The following TM6SF1 variants were observed in gnomAD, a reference collection of about 807,000 sequenced individuals.
TM6SF1 encodes transmembrane 6 superfamily member 1.
Under a neutral mutation model 47.1 loss-of-function variants are expected in TM6SF1, and 43 were observed. The observed-to-expected ratio is 0.91, with a 90% CI of 0.72 to 1.18. The LOEUF is 1.18. TM6SF1 is among the 50% of genes most tolerant of loss of function. The probability of loss-of-function intolerance (pLI) is 0.00; values close to 1 mark genes in which losing one functional copy is unlikely to be tolerated. For synonymous variants in TM6SF1, 177 were observed against 166.3 expected (o/e 1.06, Z -0.49); for missense variants, 390 against 449.0 (o/e 0.87, Z 1.19).
At chr15:83,125,277 T>C (rs1055179776) in intron 7 of TM6SF1, among the ~76,000 whole-genome samples, 1 of 152,076 alleles carries the variant, frequency 6.6e-6, no homozygotes, top group Non-Finnish European at 1.5e-5. Flanking sequence ...ACGCCTGGAG[T>C]CTTTGTATTG....
At chr15:83,126,918 T>C in intron 8 of TM6SF1, 71 bp downstream of exon 8, 1 of 1,263,874 alleles carries the variant, frequency 7.9e-7, no homozygotes. Context: ...CCCAGCTGGG[T>C]GCGGTGGCTC....
At position 83,107,812 on chromosome 15, in the gene TM6SF1, G is replaced by A. The variant is rs1198105963; in HGVS notation, c.92+40G>A. 5 of 1,549,784 alleles carry A rather than the reference G, an allele frequency of 3.2e-6. No individual in the cohort carries two copies. Among genetic ancestry groups the A allele is most frequent in the African/African-American group, 2.8e-5 (2 of 70,358 alleles). On this transcript the variant is annotated intron_variant, in intron 1 of 9. Transcript: ENST00000322019. The surrounding 1 kb of genome is among the most constrained non-coding windows in gnomAD (Gnocchi z 5.6). ...GCGGCGGGGGTCGCGCCGAGGGGCGGCGGGAGTTGGCTCGCCGCGACGGGA... is the reference window on the plus strand; with the variant it reads ...GCGGCGGGGGTCGCGCCGAGGGGCGACGGGAGTTGGCTCGCCGCGACGGGA...
At chr15:83,129,654 A>C (rs1829073332) in intron 9 of TM6SF1, 1 of 152,236 alleles carries the variant, frequency 6.6e-6, no homozygotes. Flanking sequence ...CCATGCAAAC[A>C]ATGAACTATG....
chr15:83,124,991 T>G (rs1233064303), intron 7 of TM6SF1, among the ~76,000 whole-genome samples: 1 of 152,202 alleles, frequency 6.6e-6, no homozygotes, highest in Non-Finnish European at 1.5e-5. Context: ...GATCAAGCTC[T>G]ACTCAGAAGC....
chr15:83,112,820 C>G lies in TM6SF1; in HGVS notation c.116C>G (p.Ala39Gly). ...QHDSWTIVGV[A>G]ALILFLVALL... ...AGTTCCTGGACTATTGTAGGGGTTG[C>G]TGCCCTCATCCTGTTCCTGGTAGCA... is the stretch of plus-strand genomic sequence containing the variant. Residue 39 changes from alanine to glycine, a missense_variant, in exon 2 of 10, where the codon GCT becomes GGT. Coordinates refer to ENST00000322019, the MANE Select transcript of TM6SF1 (RefSeq NM_023003.5). 6.2e-7 allele frequency: 1 copy of G among 1,614,110 alleles called. No individual in the cohort carries two copies. The highest frequency in any genetic ancestry group is 8.5e-7 in the Non-Finnish European group (1 of 1,179,950).
chr15:83,127,219 G>GTTT, intron 8 of TM6SF1, 139 bp from the exon 9 acceptor site: 1 of 733,712 alleles, frequency 1.4e-6, no homozygotes, highest in Non-Finnish European at 1.9e-6. Context: ...AAAAATAAAA[G>GTTT]TAAAAAAAAA....
At chr15:83,111,735 C>T (rs1195732780) in intron 1 of TM6SF1, 1 of 959,098 alleles carries the variant, frequency 1.0e-6, no homozygotes, top group Non-Finnish European at 1.2e-6. Flanking sequence ...AATTGGAAGC[C>T]CTGTCAGTGC....
chr15:83,121,062 A>G (rs2035194285), intron 4 of TM6SF1, among the ~76,000 whole-genome samples: 1 of 151,746 alleles, frequency 6.6e-6, no homozygotes, highest in Non-Finnish European at 1.5e-5. Flanking sequence ...GGGGTTATCA[A>G]TTGAAGGAAC....
intron 6 of TM6SF1, 92 bp from the exon 7 acceptor site, chr15:83,124,580 C>A (rs978868716): frequency 1.0e-5 from 10 of 974,138 alleles, no homozygotes; most frequent in Non-Finnish European, 1.6e-5. Flanking sequence ...CTTCAAAATT[C>A]TCTTATCCAT....
chr15:83,111,491 TCATC>T (rs1317803919), intron 1 of TM6SF1: 3 of 308,738 alleles, frequency 9.7e-6, no homozygotes, highest in East Asian at 1.7e-4. Flanking sequence ...CATTCACCCA[TCATC>T]CATCCATCTA....
At chr15:83,109,338 G>C (rs112634306) in intron 1 of TM6SF1, among the ~76,000 whole-genome samples, 158 of 152,294 alleles carry the variant, frequency 1.0e-3, no homozygotes, top group African/African-American at 3.7e-3. Context: ...GCTTACTGAA[G>C]AGGGTTGCAT....
chr15:83,108,250 C>T (rs1170187483), intron 1 of TM6SF1, among the ~76,000 whole-genome samples: 4 of 152,096 alleles, frequency 2.6e-5, no homozygotes, highest in Non-Finnish European at 4.4e-5. Context: ...AGAAATAGCC[C>T]GGAACCAACA....
chr15:83,127,292 G>A lies in TM6SF1; in HGVS notation c.802-66G>A, dbSNP rs1471207032. The A allele has an allele frequency of 2.1e-6, 3 of 1,453,476 alleles. No homozygotes were observed. In the African/African-American group the frequency reaches 4.4e-5, roughly 21 times the overall value. The allele number at this position is 1,453,476 out of a possible 1,614,324, so 90.0% of individuals were successfully genotyped here. On this transcript the variant is annotated intron_variant, in intron 8 of 9. Transcript: ENST00000322019. The stretch of plus-strand genomic sequence containing the variant: ...CAAAGATGAAAATGTTTACTTTTTT[G>A]TACTTTTTAGTCAGGCCAAGTTAAC...
rs62010204 is a variant in TM6SF1, at chr15:83,108,314, C to T, written c.92+542C>T. 2.3e-3 allele frequency among the ~76,000 whole-genome samples: 354 copies of T among 152,026 alleles called. 1 individual carries two copies. The highest frequency in any genetic ancestry group is 4.1e-3 in the Non-Finnish European group (278 of 67,978). On this transcript the variant is annotated intron_variant, in intron 1 of 9. Coordinates refer to ENST00000322019, the MANE Select transcript of TM6SF1 (RefSeq NM_023003.5). ...TTGGCACTGACGGTGTCTGGCCTGACGGTGTTTGGCACTGACGGTGTGGTC... is the reference window on the plus strand; with the variant it reads ...TTGGCACTGACGGTGTCTGGCCTGATGGTGTTTGGCACTGACGGTGTGGTC...
chr15:83,115,601 T>C, intron 2 of TM6SF1: 3 of 642,874 alleles, frequency 4.7e-6, no homozygotes, highest in South Asian at 4.6e-5. Flanking sequence ...TGACCATCAT[T>C]CTCCACTCCT....
At chr15:83,108,251 G>A (rs906393414) in intron 1 of TM6SF1, among the ~76,000 whole-genome samples, 1 of 152,158 alleles carries the variant, frequency 6.6e-6, no homozygotes, top group Non-Finnish European at 1.5e-5. Context: ...GAAATAGCCC[G>A]GAACCAACAG....
At position 83,126,093 on chromosome 15, in the gene TM6SF1, C is replaced by T. The variant is rs1222119610; in HGVS notation, c.709-662C>T. On this transcript the variant is annotated intron_variant, in intron 7 of 9. Transcript: ENST00000322019. The stretch of plus-strand genomic sequence containing the variant: ...AAAAATGTGTGCATGTGTGGGGGTG[C>T]ATGCAAGGTGGGTAGGGCTTTTGGA... Among the ~76,000 whole-genome samples, 3 of 152,256 alleles carry T rather than the reference C, an allele frequency of 2.0e-5. No individual in the cohort carries two copies. In the East Asian group the frequency reaches 5.8e-4, roughly 29 times the overall value.
At chr15:83,123,386 C>A (rs992794211) in intron 6 of TM6SF1, among the ~76,000 whole-genome samples, 1 of 152,194 alleles carries the variant, frequency 6.6e-6, no homozygotes, top group East Asian at 1.9e-4. Flanking sequence ...CCATTCACAG[C>A]CAAGGTAGTC....
Position 83,127,416 on chromosome 15 carries a change from T to A in TM6SF1, c.860T>A (p.Val287Glu). The change falls in exon 9 of 10, where the codon GTG becomes GAG. Residue 287 changes from valine to glutamate, a missense_variant. Val to Glu is a moderately radical substitution (Grantham distance 121, BLOSUM62 -2). Coordinates refer to ENST00000322019, the MANE Select transcript of TM6SF1 (RefSeq NM_023003.5). Reference sequence around the variant, plus strand: ...TTTGTGACTGCACTGTATGGCTTAGTGGTTCCTGGATGTTCCTGGATGCCT... The same window carrying A: ...TTTGTGACTGCACTGTATGGCTTAGAGGTTCCTGGATGTTCCTGGATGCCT... ...PYFVTALYGLVVPGCSWMPDI... is the reference protein window; with the variant it reads ...PYFVTALYGLEVPGCSWMPDI... The A allele has an allele frequency of 6.2e-7, 1 of 1,614,052 alleles. No individual in the cohort carries two copies. Among genetic ancestry groups the A allele is most frequent in the Non-Finnish European group, 8.5e-7 (1 of 1,179,960 alleles).
Sources: gnomAD v4.1 joint callset for allele counts (sites outside exome capture counted in the v4.1 genomes callset) on GRCh38, gnomAD v4.1.1 for gene constraint, Gnocchi (gnomAD v3.1) non-coding constraint, MANE v1.5 for transcripts, NCBI Gene and HGNC (gene_info 2026-07-23, HGNC 2026-07-21) for gene names.